Variants in NELL1 observed in about 807,000 individuals in gnomAD.
The protein encoded by NELL1 is protein kinase C-binding protein NELL1.
Under a neutral mutation model 107.4 loss-of-function variants are expected in NELL1, and 76 were observed. The ratio of observed to expected loss-of-function variants is 0.71; its 90% CI spans 0.59 to 0.86. The LOEUF is 0.86. Ranked by LOEUF, NELL1 falls within the 40% of genes least tolerant of loss-of-function variation. NELL1 has a pLI of 0.00. For missense variants in NELL1, 1,024 were observed against 1,005.5 expected, an observed-to-expected ratio of 1.02 and a Z score of -0.25; for synonymous variants, 353 against 341.2, an observed-to-expected ratio of 1.03 and a Z score of -0.38.
At chr11:20,945,033 C>T (rs1430081681) in intron 10 of NELL1, among the ~76,000 whole-genome samples, 1 of 152,084 alleles carries the variant, frequency 6.6e-6, no homozygotes, top group Non-Finnish European at 1.5e-5. Flanking sequence ...GAATCACTCC[C>T]GAATCTCACC....
chr11:21,177,711 GCTGTA>G (rs1422949905), intron 13 of NELL1, among the ~76,000 whole-genome samples: 2 of 151,572 alleles, frequency 1.3e-5, no homozygotes, highest in Admixed American at 6.6e-5. Context: ...TTTTATAATG[GCTGTA>G]CTAATTTACA....
intron 14 of NELL1, among the ~76,000 whole-genome samples, chr11:21,337,832 CTTTCT>C (rs200667159): frequency 0.24 from 7,068 of 28,992 alleles, 445 homozygotes; most frequent in East Asian, 0.46. Context: ...TTCTTTCTTT[CTTTCT>C]TTTCTTTCTT....
At chr11:21,455,955 C>G (rs377636826) in intron 15 of NELL1, among the ~76,000 whole-genome samples, 1 of 130,272 alleles carries the variant, frequency 7.7e-6, no homozygotes, top group East Asian at 2.3e-4. Context: ...GTGGCATGAT[C>G]TCGGCTCACT....
intron 12 of NELL1, among the ~76,000 whole-genome samples, chr11:21,091,583 T>C (rs1854522160): frequency 6.6e-6 from 1 of 152,202 alleles, no homozygotes; most frequent in Admixed American, 6.5e-5. Flanking sequence ...GATTTTAATA[T>C]ATAACATATT....
intron 15 of NELL1, among the ~76,000 whole-genome samples, chr11:21,416,960 T>A (rs1852533511): frequency 1.3e-5 from 2 of 152,112 alleles, no homozygotes; most frequent in Non-Finnish European, 2.9e-5. Context: ...TAAGTTTATT[T>A]TTTTTAGTGG....
At chr11:21,391,150 T>C (rs953327846) in intron 15 of NELL1, among the ~76,000 whole-genome samples, 1 of 151,880 alleles carries the variant, frequency 6.6e-6, no homozygotes, top group Non-Finnish European at 1.5e-5. Flanking sequence ...TTCTAGGTTA[T>C]ATAAAACATT....
Position 20,971,816 on chromosome 11 carries a change from A to C in NELL1, c.1300+11256A>C, listed in dbSNP as rs559829487. ...AGAATTGCTATAAAGAAAATGTAGC[A>C]CATATAGCCCATGGAATACTATGCA... is the stretch of plus-strand genomic sequence containing the variant. On this transcript the variant is annotated intron_variant, in intron 12 of 19. Coordinates refer to ENST00000357134, the MANE Select transcript of NELL1 (RefSeq NM_006157.5). 6.6e-5 allele frequency among the ~76,000 whole-genome samples: 10 copies of C among 152,306 alleles called. No homozygotes were observed. The South Asian group carries it at 2.1e-3, about 32-fold the overall frequency.
At chr11:21,142,291 G>T (rs1419116213) in intron 13 of NELL1, among the ~76,000 whole-genome samples, 1 of 152,150 alleles carries the variant, frequency 6.6e-6, no homozygotes, top group East Asian at 1.9e-4. Context: ...ATTATCCTGG[G>T]ATGGCAGGCA....
intron 14 of NELL1, among the ~76,000 whole-genome samples, chr11:21,267,193 A>T (rs1848652779): frequency 6.6e-6 from 1 of 152,236 alleles, no homozygotes; most frequent in South Asian, 2.1e-4. Flanking sequence ...GGCTGTCCTT[A>T]CAATCTCCAA....
At chr11:20,907,918 A>G (rs1035004615) in intron 5 of NELL1, among the ~76,000 whole-genome samples, 14 of 152,196 alleles carry the variant, frequency 9.2e-5, no homozygotes, top group African/African-American at 3.1e-4. Flanking sequence ...TCTCAAAGGA[A>G]GACATTTACA....
chr11:21,021,012 AACACACAC>A (rs56813080), intron 12 of NELL1, among the ~76,000 whole-genome samples: 46 of 140,304 alleles, frequency 3.3e-4, no homozygotes, highest in African/African-American at 8.6e-4. Flanking sequence ...AGAAACTTAG[AACACACAC>A]ACACACACAC....
chr11:21,403,129 C>G (rs1350678399), intron 15 of NELL1, among the ~76,000 whole-genome samples: 1 of 151,768 alleles, frequency 6.6e-6, no homozygotes, highest in Non-Finnish European at 1.5e-5. Flanking sequence ...GCCACATACT[C>G]TATTTTCATT....
intron 13 of NELL1, among the ~76,000 whole-genome samples, chr11:21,200,547 G>T (rs1590727543): frequency 6.6e-6 from 1 of 152,150 alleles, no homozygotes; most frequent in East Asian, 1.9e-4. Flanking sequence ...CTCATCAAAT[G>T]GGTAGATTGC....
intron 15 of NELL1, among the ~76,000 whole-genome samples, chr11:21,435,279 T>G (rs1361539462): frequency 6.6e-6 from 1 of 152,038 alleles, no homozygotes; most frequent in Non-Finnish European, 1.5e-5. Context: ...AGAGGAAAGG[T>G]TTTTTTAGCA....
chr11:21,108,046 T>G (rs72948189), intron 12 of NELL1, among the ~76,000 whole-genome samples: 1 of 152,152 alleles, frequency 6.6e-6, no homozygotes, highest in Non-Finnish European at 1.5e-5. Context: ...AGCAATGAGA[T>G]GAGAGGCACA....
intron 3 of NELL1, among the ~76,000 whole-genome samples, chr11:20,824,856 G>GA (rs1480034769): frequency 6.6e-6 from 1 of 151,284 alleles, no homozygotes; most frequent in East Asian, 1.9e-4. Context: ...CAATGCGATA[G>GA]AAAAAATCCA....
At chr11:21,558,610 G>A (rs1856776718) in intron 16 of NELL1, among the ~76,000 whole-genome samples, 1 of 151,962 alleles carries the variant, frequency 6.6e-6, no homozygotes, top group Non-Finnish European at 1.5e-5. Context: ...AGTATTAGAT[G>A]GCATTTATAT....
intron 15 of NELL1, among the ~76,000 whole-genome samples, chr11:21,391,593 T>C (rs1590893583): frequency 6.6e-6 from 1 of 151,906 alleles, no homozygotes. Context: ...TTCATCAACA[T>C]TATCTTCCAA....
At chr11:21,267,136 GA>G (rs1848651557) in intron 14 of NELL1, among the ~76,000 whole-genome samples, 1 of 152,068 alleles carries the variant, frequency 6.6e-6, no homozygotes, top group Non-Finnish European at 1.5e-5. Flanking sequence ...GAGAGATGAA[GA>G]AAATGTATAT....
Sources: gnomAD v4.1 joint callset for allele counts (sites outside exome capture counted in the v4.1 genomes callset) on GRCh38, gnomAD v4.1.1 for gene constraint, MANE v1.5 for transcripts, NCBI Gene and HGNC (gene_info 2026-07-23, HGNC 2026-07-21) for gene names.